Variants in DDHD1 observed in about 807,000 individuals in gnomAD.
DDHD1 encodes the protein phospholipase DDHD1.
DDHD1 carries 49 observed loss-of-function variants against 96.4 expected under a neutral mutation model. That is an observed-to-expected ratio of 0.51 (90% confidence interval 0.40 to 0.64). The LOEUF (loss-of-function observed/expected upper bound fraction) is 0.64. Among genes scored for constraint, DDHD1 ranks in the 30% least tolerant of loss-of-function variants. The pLI, the probability that DDHD1 is intolerant of heterozygous loss-of-function variation, is 0.00. For synonymous variants in DDHD1, 442 were observed against 446.5 expected, an observed-to-expected ratio of 0.99 and a Z score of 0.13; for missense variants, 1,106 against 1,161.2, an observed-to-expected ratio of 0.95 and a Z score of 0.69.
rs536939453 is a variant in DDHD1 at position 53,125,435 on chromosome 14, T to C, written c.839-21579A>G. On this transcript the variant is annotated intron_variant, in intron 1 of 12. Transcript: ENST00000673822. ...AAACCTTGCTAAATAAAATGGAGTA[T>C]ACAACCGTAAAACAGTTGTCTGAAT... 4.6e-5 allele frequency among the ~76,000 whole-genome samples: 7 copies of C among 152,346 alleles called. No homozygotes were observed. The East Asian group carries it at 5.8e-4, about 13-fold the overall frequency.
chr14:53,053,412 T>C (rs752491162), intron 11 of DDHD1: 3 of 152,088 alleles, frequency 2.0e-5, no homozygotes, highest in African/African-American at 4.8e-5. Flanking sequence ...CTGGCACAGA[T>C]ATAATTAAAT....
In DDHD1 at chr14:53,112,759, T is replaced by C. The variant is rs750859510; in HGVS notation, c.839-8903A>G. 3.9e-5 allele frequency among the ~76,000 whole-genome samples: 6 copies of C among 152,264 alleles called. No homozygotes were observed. In the South Asian group the frequency reaches 8.3e-4, roughly 21 times the overall value. On this transcript the variant is annotated intron_variant, in intron 1 of 12. Coordinates refer to ENST00000673822, the MANE Select transcript of DDHD1 (RefSeq NM_001160148.2). ...CATCTATCATCTATACCAGTATAAT[T>C]TGTGGAGCCTACACATTCTTTATTA...
At chr14:53,134,644 G>A (rs564557970) in intron 1 of DDHD1, among the ~76,000 whole-genome samples, 2 of 150,516 alleles carry the variant, frequency 1.3e-5, no homozygotes, top group South Asian at 4.2e-4. Context: ...AATGAAGAGT[G>A]TTGTTTTTAC....
intron 1 of DDHD1, among the ~76,000 whole-genome samples, chr14:53,120,091 T>C (rs1888868633): frequency 6.6e-6 from 1 of 152,226 alleles, no homozygotes. Flanking sequence ...GATAAGCAGC[T>C]TCAGCAAAGT....
chr14:53,057,548 C>T (rs1331434839), intron 9 of DDHD1, among the ~76,000 whole-genome samples: 3 of 151,890 alleles, frequency 2.0e-5, no homozygotes, highest in Non-Finnish European at 4.4e-5. Flanking sequence ...AAATACATTC[C>T]AATATTGTAG....
chr14:53,065,078 C>A (rs1283903823), intron 6 of DDHD1, among the ~76,000 whole-genome samples: 1 of 152,158 alleles, frequency 6.6e-6, no homozygotes, highest in East Asian at 1.9e-4. Flanking sequence ...ACAATATGAT[C>A]TAATCAACTC....
chr14:53,048,014 G>A (rs1166205992), intron 12 of DDHD1, among the ~76,000 whole-genome samples: 1 of 152,086 alleles, frequency 6.6e-6, no homozygotes, highest in East Asian at 1.9e-4. Context: ...GAAGGAGATT[G>A]GAGAAAAAGT....
At chr14:53,114,266 G>T (rs1264024159) in intron 1 of DDHD1, among the ~76,000 whole-genome samples, 2 of 152,240 alleles carry the variant, frequency 1.3e-5, no homozygotes, top group African/African-American at 2.4e-5. Flanking sequence ...ACAGCACCTG[G>T]GGGAAGGGGT....
chr14:53,077,672 T>G (rs866980953), intron 4 of DDHD1, among the ~76,000 whole-genome samples: 4 of 148,818 alleles, frequency 2.7e-5, no homozygotes, highest in Non-Finnish European at 6.0e-5. Flanking sequence ...TGTTTTTGTT[T>G]TTTTTTTTTA....
Position 53,122,696 on chromosome 14 carries a change from T to A in DDHD1, c.839-18840A>T, listed in dbSNP as rs375620471. Among the ~76,000 whole-genome samples the A allele has an allele frequency of 1.4e-4, 22 of 151,762 alleles. No homozygotes were observed. The East Asian group carries it at 3.1e-3, about 22-fold the overall frequency. On this transcript the variant is annotated intron_variant, in intron 1 of 12. Coordinates refer to ENST00000673822, the MANE Select transcript of DDHD1 (RefSeq NM_001160148.2). ...GCCTTAGCCTCCTGAGTAGCTGAGA[T>A]TACAGGCACCTGCCACCATGCCTGG...
chr14:53,098,251 A>G (rs1354851978), intron 2 of DDHD1, among the ~76,000 whole-genome samples: 6 of 152,102 alleles, frequency 3.9e-5, no homozygotes, highest in Non-Finnish European at 5.9e-5. Context: ...ATTAGTGCTA[A>G]CATTTAATAA....
At chr14:53,088,276 T>G (rs1886149124) in intron 4 of DDHD1, among the ~76,000 whole-genome samples, 1 of 152,146 alleles carries the variant, frequency 6.6e-6, no homozygotes, top group Non-Finnish European at 1.5e-5. Context: ...CTGAAACCAT[T>G]GCAGTCAACA....
At chr14:53,104,616 C>T (rs1887550625) in intron 1 of DDHD1, among the ~76,000 whole-genome samples, 1 of 151,912 alleles carries the variant, frequency 6.6e-6, no homozygotes, top group African/African-American at 2.4e-5. Flanking sequence ...ATTTCATCTA[C>T]TTTAGGGAAA....
Position 53,066,966 on chromosome 14 carries a change from A to AAG in DDHD1, c.1504-3762_1504-3761insCT, listed in dbSNP as rs1884074884. Among the ~76,000 whole-genome samples, 12 of 151,276 alleles carry AAG rather than the reference A, an allele frequency of 7.9e-5. No individual in the cohort carries two copies. In the South Asian group the frequency reaches 2.3e-3, roughly 29 times the overall value. Reference sequence around the variant, plus strand: ...TCCGTAAGAACCTGTCTCAAAAAAAAAAAAAAAAAGTTTGCCCACCTCTCA... The same window carrying AAG: ...TCCGTAAGAACCTGTCTCAAAAAAAAAGAAAAAAAAAGTTTGCCCACCTCTCA... On this transcript the variant is annotated intron_variant, in intron 6 of 12. Transcript: ENST00000673822.
chr14:53,047,553 C>CAAA (rs1882126366), intron 12 of DDHD1, among the ~76,000 whole-genome samples: 1 of 152,192 alleles, frequency 6.6e-6, no homozygotes. Flanking sequence ...CTGGGACATA[C>CAAA]AAACGCTCAT....
In DDHD1 at chr14:53,042,492, C is replaced by T. The variant is rs1029919445; in HGVS notation, c.*4276G>A. Reference sequence around the variant, plus strand: ...CTGCTATTTAAATGCTGACATGATACTGTAACAGGGTTGGATTAAATGATC... The same window carrying T: ...CTGCTATTTAAATGCTGACATGATATTGTAACAGGGTTGGATTAAATGATC... On this transcript the variant is annotated 3_prime_UTR_variant, in exon 13 of 13. Transcript: ENST00000673822. 3 of 152,166 alleles carry T rather than the reference C, an allele frequency of 2.0e-5. No homozygotes were observed. Among genetic ancestry groups the T allele is most frequent in the African/African-American group, 7.2e-5 (3 of 41,422 alleles). The allele number at this position is 152,166 out of a possible 1,614,324, so 9.4% of individuals were successfully genotyped here. A position where few individuals can be genotyped will look rare whatever the true frequency, so the allele number is the denominator to read the frequency against.
intron 1 of DDHD1, among the ~76,000 whole-genome samples, chr14:53,125,622 A>C (rs187644961): frequency 6.6e-6 from 1 of 152,166 alleles, no homozygotes; most frequent in African/African-American, 2.4e-5. Context: ...TCTACTCTAC[A>C]TATTTTCCAT....
At chr14:53,078,719 G>T (rs1208197604) in intron 4 of DDHD1, among the ~76,000 whole-genome samples, 1 of 151,988 alleles carries the variant, frequency 6.6e-6, no homozygotes, top group African/African-American at 2.4e-5. Flanking sequence ...TAATTGCTCT[G>T]GCTGAAACGT....
At chr14:53,073,885 T>C (rs746760572) in intron 4 of DDHD1, 38 bp from the exon 5 acceptor site, 1 of 1,541,358 alleles carries the variant, frequency 6.5e-7, no homozygotes, top group Non-Finnish European at 8.9e-7. Flanking sequence ...AACAAAGCTT[T>C]ATGAGAATAA....
Sources: allele counts gnomAD v4.1 joint callset (sites outside exome capture counted in the v4.1 genomes callset), GRCh38; gene constraint gnomAD v4.1.1; transcripts MANE v1.5; gene names NCBI Gene and HGNC (gene_info 2026-07-23, HGNC 2026-07-21).